Variants in ADGRD1 observed in about 807,000 individuals in gnomAD.
ADGRD1 encodes the protein adhesion G protein-coupled receptor D1.
A neutral mutation model predicts 113.4 loss-of-function variants in ADGRD1; 77 were observed. The observed-to-expected ratio is 0.68, with a 90% CI of 0.57 to 0.82. The LOEUF (loss-of-function observed/expected upper bound fraction) is 0.82, where lower values mean the gene tolerates loss of function less well. ADGRD1 is among the 40% of genes least tolerant of loss of function. The pLI is 0.00. For synonymous variants in ADGRD1, 474 were observed against 475.0 expected (o/e 1.00, Z 0.03); for missense variants, 1,036 against 1,139.1 (o/e 0.91, Z 1.30).
intron 5 of ADGRD1, among the ~76,000 whole-genome samples, chr12:130,985,807 C>T (rs1337739595): frequency 6.6e-6 from 1 of 152,200 alleles, no homozygotes; most frequent in Non-Finnish European, 1.5e-5. Context: ...CTGCCTCGGC[C>T]TCCCAAAGTG....
chr12:131,108,634 C>A, intron 17 of ADGRD1, 90 bp from the exon 18 acceptor site: 1 of 1,574,608 alleles, frequency 6.4e-7, no homozygotes, highest in South Asian at 1.1e-5. Flanking sequence ...AAAGACCACC[C>A]AGGACATGGA....
intron 19 of ADGRD1, 38 bp from the exon 20 acceptor site, chr12:131,120,809 C>G (rs768340432): frequency 1.2e-6 from 2 of 1,608,838 alleles, no homozygotes; most frequent in Non-Finnish European, 1.7e-6. Context: ...GCAGGTGGAA[C>G]GAGGTTGTTG....
chr12:130,987,912 C>T (rs149722812), intron 6 of ADGRD1: 248 of 159,046 alleles, frequency 1.6e-3, no homozygotes, highest in African/African-American at 5.4e-3. Flanking sequence ...GGCACATTCA[C>T]GGTGTTATGC....
intron 13 of ADGRD1, among the ~76,000 whole-genome samples, chr12:131,029,489 A>C (rs1410273223): frequency 1.1e-3 from 122 of 113,744 alleles, no homozygotes; most frequent in East Asian, 1.7e-3. Flanking sequence ...AGGTTGTGGG[A>C]CTCTCGTACG....
At chr12:130,979,680 A>T (rs1036964138) in intron 4 of ADGRD1, among the ~76,000 whole-genome samples, 7 of 152,104 alleles carry the variant, frequency 4.6e-5, no homozygotes, top group African/African-American at 1.7e-4. Context: ...GCCTCTTTGG[A>T]CCAGTTCTGG....
At position 130,999,564 on chromosome 12, in the gene ADGRD1, A is replaced by G. The variant is rs186580769; in HGVS notation, c.967-819A>G. Among the ~76,000 whole-genome samples the G allele has an allele frequency of 2.5e-3, 378 of 152,360 alleles. 1 individual carries two copies. The highest frequency in any genetic ancestry group is 8.5e-3 in the African/African-American group (355 of 41,588). ...TTCTGGAGATGGCGGTTTGGTGGAA[A>G]TATGGGAGAGTTCGGTCAGCCTCTA... On this transcript the variant is annotated intron_variant, in intron 8 of 24. Transcript: ENST00000261654.
chr12:131,011,723 C>T (rs1169733194), intron 12 of ADGRD1, among the ~76,000 whole-genome samples: 1 of 152,248 alleles, frequency 6.6e-6, no homozygotes, highest in Admixed American at 6.5e-5. Context: ...AATGGCACAG[C>T]CCTAAGTGTT....
In ADGRD1 at chr12:131,060,456, T is replaced by C. The variant is rs1884224671; in HGVS notation, c.1474-16345T>C. On this transcript the variant is annotated intron_variant, in intron 13 of 24. Coordinates refer to ENST00000261654, the MANE Select transcript of ADGRD1 (RefSeq NM_198827.5). The surrounding 1 kb of genome is among the most constrained non-coding windows in gnomAD (Gnocchi z 4.4). ...GTCATGTTCAAAAGACCCAGCAGCA[T>C]GGACAATGCTGTGTCAGAGCGATGC... Among the ~76,000 whole-genome samples, 1 of 152,206 alleles carries C rather than the reference T, an allele frequency of 6.6e-6. No individual in the cohort carries two copies. Among genetic ancestry groups the C allele is most frequent in the Non-Finnish European group, 1.5e-5 (1 of 68,032 alleles).
rs140875204 is a variant in ADGRD1, at chr12:131,091,740, G to A, written c.1671+7077G>A. Among the ~76,000 whole-genome samples the A allele has an allele frequency of 2.0e-3, 300 of 152,350 alleles. 2 individuals carry two copies. Among genetic ancestry groups the A allele is most frequent in the African/African-American group, 7.1e-3 (297 of 41,574 alleles). On this transcript the variant is annotated intron_variant, in intron 15 of 24. Coordinates refer to ENST00000261654, the MANE Select transcript of ADGRD1 (RefSeq NM_198827.5). ...GGGCCACAGAGGTGAGGCAGTGGCA[G>A]GAGCTGGGGAGAGAAAGGACTGTAA...
At chr12:131,072,809 C>G (rs143938999) in intron 13 of ADGRD1, among the ~76,000 whole-genome samples, 41 of 152,304 alleles carry the variant, frequency 2.7e-4, no homozygotes, top group African/African-American at 9.1e-4. Flanking sequence ...AAGAAGGATG[C>G]CTCTGGTTTC....
At chr12:131,064,611 T>C (rs1884574299) in intron 13 of ADGRD1, among the ~76,000 whole-genome samples, 2 of 152,220 alleles carry the variant, frequency 1.3e-5, no homozygotes, top group African/African-American at 2.4e-5. Context: ...GGGCACATAA[T>C]TTATGAAACA....
intron 13 of ADGRD1, among the ~76,000 whole-genome samples, chr12:131,074,643 C>T (rs1242151772): frequency 1.3e-5 from 2 of 152,242 alleles, no homozygotes; most frequent in African/African-American, 2.4e-5. Flanking sequence ...CGTCACACCC[C>T]TGGGAGCCCG....
chr12:131,007,052 C>T (rs890389439), intron 12 of ADGRD1, among the ~76,000 whole-genome samples: 10 of 152,222 alleles, frequency 6.6e-5, no homozygotes, highest in South Asian at 2.1e-4. Flanking sequence ...ATATATGAGA[C>T]GTGCATTTGT....
At chr12:131,098,337 G>A (rs921020672) in intron 15 of ADGRD1, among the ~76,000 whole-genome samples, 1 of 152,168 alleles carries the variant, frequency 6.6e-6, no homozygotes, top group Non-Finnish European at 1.5e-5. Flanking sequence ...GCTGGGGCTG[G>A]AGCATGCGGG....
intron 13 of ADGRD1, among the ~76,000 whole-genome samples, chr12:131,054,614 GGT>G (rs1160745383): frequency 2.0e-5 from 3 of 152,128 alleles, no homozygotes; most frequent in African/African-American, 7.2e-5. Context: ...TCCATTGGGT[GGT>G]TCTTTCCCTG....
chr12:131,102,032 G>A (rs1017361500), intron 15 of ADGRD1, among the ~76,000 whole-genome samples: 5 of 152,068 alleles, frequency 3.3e-5, no homozygotes, highest in African/African-American at 4.8e-5. Flanking sequence ...TGAACAGGGG[G>A]GTTTATTTTA....
chr12:131,043,817 C>T (rs918464998), intron 13 of ADGRD1, among the ~76,000 whole-genome samples: 2 of 152,180 alleles, frequency 1.3e-5, no homozygotes, highest in Admixed American at 1.3e-4. Context: ...CTGGTTCCCT[C>T]GGGAGGATGT....
At chr12:131,129,403 CTG>C (rs1950847794) in intron 20 of ADGRD1, among the ~76,000 whole-genome samples, 2 of 137,462 alleles carry the variant, frequency 1.5e-5, no homozygotes, top group South Asian at 2.6e-4. Context: ...GCCCGCCCTG[CTG>C]TCTGGGTGTG....
At chr12:130,993,771 A>G (rs1351720455) in intron 8 of ADGRD1, 2 of 152,530 alleles carry the variant, frequency 1.3e-5, no homozygotes, top group African/African-American at 4.8e-5. Flanking sequence ...AGGCAACAAG[A>G]GGCCCAGAGG....
Sources: allele counts gnomAD v4.1 joint callset (sites outside exome capture counted in the v4.1 genomes callset), GRCh38; gene constraint gnomAD v4.1.1; non-coding constraint Gnocchi (gnomAD v3.1); transcripts MANE v1.5; gene names NCBI Gene and HGNC (gene_info 2026-07-23, HGNC 2026-07-21).